Variants in USP5 observed in about 807,000 individuals in gnomAD.
USP5 encodes the protein ubiquitin specific peptidase 5, also known as ubiquitin carboxyl-terminal hydrolase 5.
USP5 carries 24 observed loss-of-function variants against 102.5 expected under a neutral mutation model. The observed-to-expected ratio is 0.23, with a 90% CI of 0.17 to 0.33. The LOEUF (loss-of-function observed/expected upper bound fraction) is 0.33. Among genes scored for constraint, USP5 ranks in the 10% least tolerant of loss-of-function variants. USP5 has a pLI of 1.00. For synonymous variants in USP5, 460 were observed against 434.8 expected (o/e 1.06, Z -0.72); for missense variants, 753 against 1,122.1 (o/e 0.67, Z 4.70).
rs370584513 is a variant in USP5 at position 6,863,131 on chromosome 12, G to A, written c.1763-55G>A. ...TAGGGGGCAGGGGATTGAGGTTCCC[G>A]AATCACTTTCCAGGTAGGCCTCCGG... On this transcript the variant is annotated intron_variant, in intron 14 of 19. Transcript: ENST00000229268. This position sits in a 1 kb window ranked among gnomAD's most constrained non-coding sequence, Gnocchi z 4.7. 44 of 1,541,294 alleles carry A rather than the reference G, an allele frequency of 2.9e-5. No homozygotes were observed. The highest frequency in any genetic ancestry group is 6.9e-5 in the African/African-American group (5 of 72,884).
At chr12:6,862,378 T>C (rs1944304553) in intron 13 of USP5, 92 bp from the exon 14 acceptor site, 1 of 1,129,434 alleles carries the variant, frequency 8.9e-7, no homozygotes, top group East Asian at 2.4e-5. Context: ...TATTGGGACT[T>C]CTACCCATGA....
intron 6 of USP5, 68 bp from the exon 7 acceptor site, chr12:6,857,561 G>C: frequency 7.2e-7 from 1 of 1,380,646 alleles, no homozygotes; most frequent in Non-Finnish European, 1.0e-6. Flanking sequence ...TTCTGTGCAA[G>C]GGATGGGATG....
chr12:6,855,745 T>C lies in USP5; in HGVS notation c.238-10T>C, dbSNP rs782688815. On this transcript the variant is annotated splice_polypyrimidine_tract_variant and intron_variant, in intron 2 of 19. Transcript: ENST00000229268. The surrounding 1 kb of genome is among the most constrained non-coding windows in gnomAD (Gnocchi z 4.6). ...TCATTGCTGATCCAGCCCTTCCTGC[T>C]TCTTTACAGAAAGAGGAGGACCCTG... 2.5e-6 allele frequency: 4 copies of C among 1,614,194 alleles called. No individual in the cohort carries two copies. Among genetic ancestry groups the C allele is most frequent in the Middle Eastern group, 1.6e-4 (1 of 6,062 alleles).
At chr12:6,857,770 A>G in intron 7 of USP5, 47 bp downstream of exon 7, 1 of 1,590,684 alleles carries the variant, frequency 6.3e-7, no homozygotes, top group East Asian at 2.2e-5. Context: ...TGCCCCTGTG[A>G]GGGCCCTTCC....
intron 8 of USP5, among the ~76,000 whole-genome samples, chr12:6,859,191 A>G (rs781789969): frequency 1.3e-5 from 2 of 152,238 alleles, no homozygotes; most frequent in Non-Finnish European, 2.9e-5. Context: ...GAACATGTCA[A>G]CAGGTTCTGT....
At position 6,863,105 on chromosome 12, in the gene USP5, A is replaced by T; in HGVS notation, c.1763-81A>T. 1 of 1,417,534 alleles carries T rather than the reference A, an allele frequency of 7.1e-7. No individual in the cohort carries two copies. The highest frequency in any genetic ancestry group is 9.5e-7 in the Non-Finnish European group (1 of 1,053,918). The allele number at this position is 1,417,534 out of a possible 1,614,324, so 87.8% of individuals were successfully genotyped here. A position where few individuals can be genotyped will look rare whatever the true frequency, so the allele number is the denominator to read the frequency against. ...CTCCTCTTTACAGAGCAGTTCTGACATAGGGGGCAGGGGATTGAGGTTCCC... is the reference window on the plus strand; with the variant it reads ...CTCCTCTTTACAGAGCAGTTCTGACTTAGGGGGCAGGGGATTGAGGTTCCC... On this transcript the variant is annotated intron_variant, in intron 14 of 19. Coordinates refer to ENST00000229268, the MANE Select transcript of USP5 (RefSeq NM_001098536.2). This position sits in a 1 kb window ranked among gnomAD's most constrained non-coding sequence, Gnocchi z 4.7.
Position 6,860,263 on chromosome 12 carries a change from C to G in USP5, c.1218+25C>G. On this transcript the variant is annotated intron_variant, in intron 10 of 19. Coordinates refer to ENST00000229268, the MANE Select transcript of USP5 (RefSeq NM_001098536.2). The surrounding 1 kb of genome is among the most constrained non-coding windows in gnomAD (Gnocchi z 5.5). ...GGTGCGTCTAGGACCCTGTCCCTTT[C>G]AGGCCCTGGGATTGTGGGGAAGCTG... 1 of 1,610,968 alleles carries G rather than the reference C, an allele frequency of 6.2e-7. No homozygotes were observed. Among genetic ancestry groups the G allele is most frequent in the African/African-American group, 1.3e-5 (1 of 74,842 alleles).
Position 6,863,993 on chromosome 12 carries a change from A to G in USP5, c.2098+20A>G. ...ATCCAGGTAGGCTGGGGTGGGGAGC[A>G]GGGTGGGGCAGGGCCTCCATCCTCC... On this transcript the variant is annotated intron_variant, in intron 16 of 19. Coordinates refer to ENST00000229268, the MANE Select transcript of USP5 (RefSeq NM_001098536.2). The surrounding 1 kb of genome is among the most constrained non-coding windows in gnomAD (Gnocchi z 4.7). The G allele has an allele frequency of 1.6e-6, 2 of 1,270,792 alleles. No homozygotes were observed. Among genetic ancestry groups the G allele is most frequent in the Non-Finnish European group, 1.1e-6 (1 of 918,230 alleles). The allele number at this position is 1,270,792 out of a possible 1,614,324, so 78.7% of individuals were successfully genotyped here. A position where few individuals can be genotyped will look rare whatever the true frequency, so the allele number is the denominator to read the frequency against.
At position 6,860,957 on chromosome 12, in the gene USP5, A is replaced by T; in HGVS notation, c.1349A>T (p.Asn450Ile). Residue 450 changes from asparagine to isoleucine, a missense_variant, in exon 12 of 20, where the codon AAT becomes ATT. Coordinates refer to ENST00000229268, the MANE Select transcript of USP5 (RefSeq NM_001098536.2). This position sits in a 1 kb window ranked among gnomAD's most constrained non-coding sequence, Gnocchi z 5.5. ...TACCCTGCCTCTTTCCCATAGAGGAATTGCCGGAGCTCTGAAAATCCTAAT... is the reference window on the plus strand; with the variant it reads ...TACCCTGCCTCTTTCCCATAGAGGATTTGCCGGAGCTCTGAAAATCCTAAT... ...FLHLINMVERNCRSSENPNEV... is the reference protein window; with the variant it reads ...FLHLINMVERICRSSENPNEV... 1 of 1,613,918 alleles carries T rather than the reference A, an allele frequency of 6.2e-7. No individual in the cohort carries two copies. The highest frequency in any genetic ancestry group is 8.5e-7 in the Non-Finnish European group (1 of 1,179,980).
chr12:6,852,495 C>T (rs781793501), intron 1 of USP5, among the ~76,000 whole-genome samples: 4 of 152,402 alleles, frequency 2.6e-5, no homozygotes, highest in African/African-American at 7.2e-5. Context: ...GCTCACCTCT[C>T]CGGCTCCCCG....
Position 6,863,411 on chromosome 12 carries a change from C to A in USP5, c.1954+34C>A. ...CTCTTCTTCCTGCCTGTCTCTCTCC[C>A]GTGCTGATGGGGGCCTCTCTGCCTT... On this transcript the variant is annotated intron_variant, in intron 15 of 19. Coordinates refer to ENST00000229268, the MANE Select transcript of USP5 (RefSeq NM_001098536.2). The surrounding 1 kb of genome is among the most constrained non-coding windows in gnomAD (Gnocchi z 4.7). The A allele has an allele frequency of 6.3e-7, 1 of 1,596,552 alleles. No homozygotes were observed. The highest frequency in any genetic ancestry group is 8.6e-7 in the Non-Finnish European group (1 of 1,168,880).
chr12:6,855,304 C>T lies in USP5; in HGVS notation c.112-97C>T. 1 of 1,519,882 alleles carries T rather than the reference C, an allele frequency of 6.6e-7. No homozygotes were observed. Among genetic ancestry groups the T allele is most frequent in the Non-Finnish European group, 8.9e-7 (1 of 1,119,556 alleles). 94.1% of individuals were successfully genotyped at this position (1,519,882 alleles called of 1,614,324 possible). A position where few individuals can be genotyped will look rare whatever the true frequency, so the allele number is the denominator to read the frequency against. ...AGTGTTAGAGAACAGAACATTTCTT[C>T]TGGAACCCAGCAGTTTCTGACTCCA... On this transcript the variant is annotated intron_variant, in intron 1 of 19. Coordinates refer to ENST00000229268, the MANE Select transcript of USP5 (RefSeq NM_001098536.2). This position sits in a 1 kb window ranked among gnomAD's most constrained non-coding sequence, Gnocchi z 4.6.
intron 1 of USP5, among the ~76,000 whole-genome samples, chr12:6,854,864 G>A (rs1191502023): frequency 6.6e-6 from 1 of 152,076 alleles, no homozygotes; most frequent in Non-Finnish European, 1.5e-5. Context: ...GGTCTGGAAG[G>A]TTTTCTGAAT....
chr12:6,863,402 T>C lies in USP5; in HGVS notation c.1954+25T>C, dbSNP rs1944332926. 6.2e-7 allele frequency: 1 copy of C among 1,606,010 alleles called. No homozygotes were observed. Among genetic ancestry groups the C allele is most frequent in the African/African-American group, 1.3e-5 (1 of 74,878 alleles). ...TGTTAGTGACTCTTCTTCCTGCCTG[T>C]CTCTCTCCCGTGCTGATGGGGGCCT... is the stretch of plus-strand genomic sequence containing the variant. On this transcript the variant is annotated intron_variant, in intron 15 of 19. Coordinates refer to ENST00000229268, the MANE Select transcript of USP5 (RefSeq NM_001098536.2). The surrounding 1 kb of genome is among the most constrained non-coding windows in gnomAD (Gnocchi z 4.7).
intron 14 of USP5, 67 bp downstream of exon 14, chr12:6,862,625 T>A (rs1565533190): frequency 7.1e-7 from 1 of 1,412,264 alleles, no homozygotes. Flanking sequence ...TTAACACATA[T>A]AAACTAGTGT....
rs781850878 is a variant in USP5 at position 6,856,723 on chromosome 12, A to C, written c.601A>C (p.Lys201Gln). The C allele has an allele frequency of 6.2e-7, 1 of 1,614,006 alleles. No individual in the cohort carries two copies. Among genetic ancestry groups the C allele is most frequent in the Non-Finnish European group, 8.5e-7 (1 of 1,179,992 alleles). The change falls in exon 6 of 20, where the codon AAG becomes CAG. Residue 201 changes from lysine to glutamine, a missense_variant. Lys to Gln is a moderately conservative substitution (Grantham distance 53). Around this residue, in one of 3 missense-constraint regions of USP5, gnomAD observed 527 missense variants for 816.5 expected, o/e 0.65. Coordinates refer to ENST00000229268, the MANE Select transcript of USP5 (RefSeq NM_001098536.2). The surrounding 1 kb of genome is among the most constrained non-coding windows in gnomAD (Gnocchi z 5.6). ...GTGGGTTAGTGGCTGGAAGTGCTCC[A>C]AGTGTGACATGAGAGAGAACCTGTG... ...RIPPCGWKCSKCDMRENLWLN... is the reference protein window; with the variant it reads ...RIPPCGWKCSQCDMRENLWLN...
Position 6,855,985 on chromosome 12 carries a change from T to C in USP5, c.305-32T>C. The C allele has an allele frequency of 6.2e-7, 1 of 1,613,690 alleles. No homozygotes were observed. Among genetic ancestry groups the C allele is most frequent in the Non-Finnish European group, 8.5e-7 (1 of 1,179,646 alleles). The stretch of plus-strand genomic sequence containing the variant: ...AGGGACATTGACCTGTTGTCATTGC[T>C]CTACTCTCCCTCTTCTTCCCTATCC... On this transcript the variant is annotated intron_variant, in intron 3 of 19. Transcript: ENST00000229268. This position sits in a 1 kb window ranked among gnomAD's most constrained non-coding sequence, Gnocchi z 4.6.
rs1944381907 is a variant in USP5 at position 6,864,703 on chromosome 12, T to C, written c.2245-19T>C. On this transcript the variant is annotated intron_variant, in intron 17 of 19. Coordinates refer to ENST00000229268, the MANE Select transcript of USP5 (RefSeq NM_001098536.2). This position sits in a 1 kb window ranked among gnomAD's most constrained non-coding sequence, Gnocchi z 4.8. ...GACTCCGTCTCAAGAAAAAAAGTAATGCTTCCTTCCTCTCCAAGAACAATA... is the reference window on the plus strand; with the variant it reads ...GACTCCGTCTCAAGAAAAAAAGTAACGCTTCCTTCCTCTCCAAGAACAATA... The C allele has an allele frequency of 2.5e-6, 4 of 1,597,370 alleles. No individual in the cohort carries two copies. Among genetic ancestry groups the C allele is most frequent in the Non-Finnish European group, 3.4e-6 (4 of 1,174,954 alleles).
Position 6,860,899 on chromosome 12 carries a change from C to A in USP5, c.1345-54C>A. The A allele has an allele frequency of 6.2e-7, 1 of 1,605,832 alleles. No homozygotes were observed. The highest frequency in any genetic ancestry group is 1.7e-5 in the Admixed American group (1 of 59,336). The stretch of plus-strand genomic sequence containing the variant: ...CTGACTCTCCCATGAACCTTTCAGG[C>A]CCCATTCTGTTCCCTGGCTGCCCAG... On this transcript the variant is annotated intron_variant, in intron 11 of 19. Transcript: ENST00000229268. This position sits in a 1 kb window ranked among gnomAD's most constrained non-coding sequence, Gnocchi z 5.5.
Sources: allele counts gnomAD v4.1 joint callset (sites outside exome capture counted in the v4.1 genomes callset), GRCh38; gene constraint gnomAD v4.1.1; regional missense constraint gnomAD v4.1.1; non-coding constraint Gnocchi (gnomAD v3.1); transcripts MANE v1.5; gene names NCBI Gene and HGNC (gene_info 2026-07-23, HGNC 2026-07-21).